The following AIM2 variants were observed in gnomAD, a reference collection of about 807,000 sequenced individuals.
AIM2 encodes absent in melanoma 2.
In AIM2, 30 loss-of-function variants were observed where a neutral mutation model predicts 27.7. The ratio of observed to expected loss-of-function variants is 1.08; its 90% CI spans 0.81 to 1.47. The LOEUF (loss-of-function observed/expected upper bound fraction) is 1.47, where lower values mean the gene tolerates loss of function less well. AIM2 is among the 40% of genes most tolerant of loss of function. The pLI is 0.00. For synonymous variants in AIM2, 141 were observed against 145.3 expected, an observed-to-expected ratio of 0.97 and a Z score of 0.21; for missense variants, 358 against 411.3, an observed-to-expected ratio of 0.87 and a Z score of 1.12.
downstream of AIM2, among the ~76,000 whole-genome samples, chr1:159,060,081 C>T (rs1048774069): frequency 1.3e-5 from 2 of 152,168 alleles, no homozygotes; most frequent in African/African-American, 4.8e-5. Flanking sequence ...CCAAAGCCGA[C>T]ATTTTAGGTT....
intron 1 of AIM2, among the ~76,000 whole-genome samples, chr1:159,112,448 CA>C (rs1485504501): frequency 6.6e-6 from 1 of 152,112 alleles, no homozygotes; most frequent in Non-Finnish European, 1.5e-5. Context: ...TGAGAGACCT[CA>C]AGGAATAAAT....
chr1:159,113,838 TAAG>T (rs1647256226), intron 1 of AIM2, among the ~76,000 whole-genome samples: 1 of 152,208 alleles, frequency 6.6e-6, no homozygotes, highest in Non-Finnish European at 1.5e-5. Context: ...TGAGGCATGA[TAAG>T]AAGTTTTGAA....
upstream of AIM2, among the ~76,000 whole-genome samples, chr1:159,078,661 T>C (rs1405653045): frequency 6.6e-6 from 1 of 152,182 alleles, no homozygotes; most frequent in Non-Finnish European, 1.5e-5. Flanking sequence ...AGCTTTGTTT[T>C]ACCAAGAAAT....
intron 1 of AIM2, among the ~76,000 whole-genome samples, chr1:159,099,510 C>A (rs1372379800): frequency 6.6e-6 from 1 of 152,042 alleles, no homozygotes; most frequent in Non-Finnish European, 1.5e-5. Flanking sequence ...TTTTTCCCTC[C>A]CAAAGACTAC....
intron 1 of AIM2, among the ~76,000 whole-genome samples, chr1:159,127,448 C>T (rs186372297): frequency 6.6e-6 from 1 of 152,284 alleles, no homozygotes; most frequent in East Asian, 1.9e-4. Flanking sequence ...ATGTTGAAAT[C>T]CCAATCCCAA....
At chr1:159,118,644 C>T (rs1335479131) in intron 1 of AIM2, among the ~76,000 whole-genome samples, 1 of 152,060 alleles carries the variant, frequency 6.6e-6, no homozygotes, top group Non-Finnish European at 1.5e-5. Context: ...ATTCTATTTC[C>T]TAAAATGTTT....
At chr1:159,068,766 A>G in intron 2 of AIM2, 65 bp from the exon 3 acceptor site, 1 of 1,487,940 alleles carries the variant, frequency 6.7e-7, no homozygotes, top group Non-Finnish European at 9.1e-7. Flanking sequence ...ACATTTTCAA[A>G]TGTCACCAGG....
intron 1 of AIM2, among the ~76,000 whole-genome samples, chr1:159,104,494 A>G (rs1222936114): frequency 6.6e-6 from 1 of 152,254 alleles, no homozygotes; most frequent in African/African-American, 2.4e-5. Context: ...TGAAATCTAT[A>G]TACTAATGAA....
intron 1 of AIM2, among the ~76,000 whole-genome samples, chr1:159,089,388 C>T (rs1656996785): frequency 6.6e-6 from 1 of 152,158 alleles, no homozygotes; most frequent in African/African-American, 2.4e-5. Context: ...AAAACACTGC[C>T]TCCTGGTGGC....
At chr1:159,074,006 T>A (rs573464204) in intron 1 of AIM2, among the ~76,000 whole-genome samples, 46 of 152,220 alleles carry the variant, frequency 3.0e-4, no homozygotes, top group African/African-American at 1.0e-3. Flanking sequence ...GCCATTGCAC[T>A]CCAGCCTGGG....
chr1:159,056,564 C>G, the AIM2 span, among the ~76,000 whole-genome samples: 1 of 151,680 alleles, frequency 6.6e-6, no homozygotes, highest in Non-Finnish European at 1.5e-5. Flanking sequence ...TCTCCAGTTG[C>G]ATGACTGGAG....
At chr1:159,132,084 A>C (rs1375752686) in intron 1 of AIM2, among the ~76,000 whole-genome samples, 1 of 151,772 alleles carries the variant, frequency 6.6e-6, no homozygotes, top group Non-Finnish European at 1.5e-5. Flanking sequence ...GTGGTGGCTC[A>C]CGCCTGTAAT....
chr1:159,113,540 T>C (rs953915593), intron 1 of AIM2, among the ~76,000 whole-genome samples: 7 of 152,268 alleles, frequency 4.6e-5, no homozygotes, highest in African/African-American at 1.7e-4. Flanking sequence ...TTCTATACTT[T>C]CAGTTAACTG....
intron 1 of AIM2, among the ~76,000 whole-genome samples, chr1:159,090,159 C>T (rs891087513): frequency 6.6e-5 from 10 of 152,204 alleles, no homozygotes; most frequent in African/African-American, 2.4e-4. Flanking sequence ...TAACTTCTCC[C>T]TCCGCCCAAC....
At chr1:159,126,593 G>A (rs1340634699) in intron 1 of AIM2, among the ~76,000 whole-genome samples, 2 of 148,436 alleles carry the variant, frequency 1.3e-5, no homozygotes, top group African/African-American at 2.5e-5. Flanking sequence ...AGCTTGCAGT[G>A]AGCCGAAATG....
rs760937015 is a variant in AIM2, at chr1:159,063,607, C to A, written c.884G>T (p.Gly295Val). 1 of 1,614,064 alleles carries A rather than the reference C, an allele frequency of 6.2e-7. No individual in the cohort carries two copies. The highest frequency in any genetic ancestry group is 8.5e-7 in the Non-Finnish European group (1 of 1,179,986). ...TTTCATTGTGTCCTCGTTTCTAACC[C>A]CCAGTACTTCCATTTTCCCAGTGTT... The part of the protein sequence containing the change: ...SDNTGKMEVL[G>V]VRNEDTMKCK... Residue 295 changes from glycine to valine, a missense_variant, in exon 5 of 6, where the codon GGG becomes GTG. Gly to Val is a moderately radical substitution (Grantham distance 109). Coordinates refer to ENST00000368130, the MANE Select transcript of AIM2 (RefSeq NM_004833.3).
intron 1 of AIM2, among the ~76,000 whole-genome samples, chr1:159,121,880 C>T (rs1323359171): frequency 1.3e-5 from 2 of 152,178 alleles, no homozygotes; most frequent in African/African-American, 2.4e-5. Flanking sequence ...AGCCCACAAA[C>T]ATCTGTCCTT....
intron 1 of AIM2, among the ~76,000 whole-genome samples, chr1:159,084,054 A>G (rs1052538798): frequency 2.0e-5 from 3 of 152,198 alleles, no homozygotes; most frequent in African/African-American, 7.2e-5. Flanking sequence ...CTACCACTCT[A>G]TGTGGTAAAT....
At chr1:159,075,119 TAG>T (rs1656543092) in intron 1 of AIM2, among the ~76,000 whole-genome samples, 1 of 152,006 alleles carries the variant, frequency 6.6e-6, no homozygotes, top group South Asian at 2.1e-4. Context: ...AACTAATAAA[TAG>T]AGTGTGGAAA....
Sources: gnomAD v4.1 joint callset for allele counts (sites outside exome capture counted in the v4.1 genomes callset) on GRCh38, gnomAD v4.1.1 for gene constraint, MANE v1.5 for transcripts, NCBI Gene and HGNC (gene_info 2026-07-23, HGNC 2026-07-21) for gene names.